BLTP3B: variants seen among roughly 807,000 people sequenced by gnomAD.
The protein encoded by BLTP3B is bridge-like lipid transfer protein family member 3B.
the BLTP3B span, among the ~76,000 whole-genome samples, chr12:100,089,698 G>T: frequency 6.6e-6 from 1 of 152,144 alleles, no homozygotes; most frequent in African/African-American, 2.4e-5. Flanking sequence ...AGAAAATGTA[G>T]TTAACTCTTA....
chr12:100,116,448 C>CAAAAAAAAAAAAAAAAAA, the BLTP3B span, among the ~76,000 whole-genome samples: 2 of 55,998 alleles, frequency 3.6e-5, no homozygotes, highest in African/African-American at 6.1e-5. Context: ...GATCCTGTCT[C>CAAAAAAAAAAAAAAAAAA]AAAAAAAAAA....
the BLTP3B span, among the ~76,000 whole-genome samples, chr12:100,078,431 T>A: frequency 6.6e-6 from 1 of 152,142 alleles, no homozygotes; most frequent in African/African-American, 2.4e-5. Context: ...CAGTCTCAGG[T>A]ACTTCTTTAC....
At chr12:100,117,615 CCT>C in the BLTP3B span, among the ~76,000 whole-genome samples, 2 of 152,064 alleles carry the variant, frequency 1.3e-5, no homozygotes, top group East Asian at 3.9e-4. Flanking sequence ...CTCCACCTCC[CCT>C]GCCTCCACCT....
chr12:100,076,618 T>C, the BLTP3B span, among the ~76,000 whole-genome samples: 1 of 152,202 alleles, frequency 6.6e-6, no homozygotes, highest in African/African-American at 2.4e-5. Flanking sequence ...GGTCTCTAAC[T>C]CCTGACCTCA....
At chr12:100,080,320 A>G in the BLTP3B span, among the ~76,000 whole-genome samples, 8 of 151,800 alleles carry the variant, frequency 5.3e-5, no homozygotes, top group Non-Finnish European at 1.2e-4. Context: ...CCACAGGGGC[A>G]GAGCTGCCCA....
chr12:100,111,876 G>A, the BLTP3B span, among the ~76,000 whole-genome samples: 1 of 152,008 alleles, frequency 6.6e-6, no homozygotes, highest in East Asian at 1.9e-4. Flanking sequence ...AGTGCTGGCT[G>A]GGATTACAGG....
chr12:100,071,037 G>A, the BLTP3B span, among the ~76,000 whole-genome samples: 1 of 152,048 alleles, frequency 6.6e-6, no homozygotes, highest in Non-Finnish European at 1.5e-5. Flanking sequence ...TTAAATAAAT[G>A]GGCAAGTAGG....
the BLTP3B span, chr12:100,048,030 C>A: frequency 6.2e-7 from 1 of 1,610,528 alleles, no homozygotes; most frequent in South Asian, 1.1e-5. Flanking sequence ...GTTGAATATT[C>A]ATAAGAGAAG....
the BLTP3B span, among the ~76,000 whole-genome samples, chr12:100,077,803 T>C: frequency 9.8e-5 from 15 of 152,308 alleles, no homozygotes; most frequent in South Asian, 4.1e-4. Flanking sequence ...GTCTCAAACA[T>C]TGCAATTAGA....
the BLTP3B span, among the ~76,000 whole-genome samples, chr12:100,066,484 A>G: frequency 2.6e-5 from 4 of 152,126 alleles, no homozygotes; most frequent in Non-Finnish European, 5.9e-5. Context: ...AAAGTCAACA[A>G]AGAAACAATG....
the BLTP3B span, among the ~76,000 whole-genome samples, chr12:100,067,134 G>A: frequency 4.6e-5 from 7 of 152,052 alleles, no homozygotes; most frequent in Admixed American, 1.3e-4. Context: ...AAAATTCTTC[G>A]AACTGAACAA....
At chr12:100,075,077 T>A in the BLTP3B span, among the ~76,000 whole-genome samples, 1 of 151,684 alleles carries the variant, frequency 6.6e-6, no homozygotes, top group Non-Finnish European at 1.5e-5. Context: ...AATGGCATGA[T>A]CTCAGCTCAC....
At chr12:100,071,070 T>C in the BLTP3B span, among the ~76,000 whole-genome samples, 1 of 152,174 alleles carries the variant, frequency 6.6e-6, no homozygotes, top group Non-Finnish European at 1.5e-5. Flanking sequence ...GGAGTTCTAC[T>C]TTTAAAGAAA....
At chr12:100,138,606 C>T in the BLTP3B span, among the ~76,000 whole-genome samples, 1 of 152,180 alleles carries the variant, frequency 6.6e-6, no homozygotes, top group African/African-American at 2.4e-5. Context: ...GACAAACTGA[C>T]CCTGGTTGAC....
chr12:100,124,440 A>G, the BLTP3B span, among the ~76,000 whole-genome samples: 1 of 151,808 alleles, frequency 6.6e-6, no homozygotes, highest in Admixed American at 6.6e-5. Context: ...TGTCTCTACA[A>G]AATATTAAAA....
At chr12:100,051,015 T>C in the BLTP3B span, 2 of 1,585,466 alleles carry the variant, frequency 1.3e-6, no homozygotes, top group Non-Finnish European at 1.7e-6. Context: ...AATATATACA[T>C]GTCAAATATG....
chr12:100,098,407 T>A, the BLTP3B span: 1 of 1,613,650 alleles, frequency 6.2e-7, no homozygotes, highest in Non-Finnish European at 8.5e-7. Flanking sequence ...ATGTTCCCAG[T>A]GTGCATTTAC....
chr12:100,041,131 C>A, the BLTP3B span, among the ~76,000 whole-genome samples: 2 of 152,140 alleles, frequency 1.3e-5, no homozygotes, highest in Non-Finnish European at 2.9e-5. Flanking sequence ...TGGGATTTAT[C>A]CCAGGAATGC....
chr12:100,087,271 C>T, the BLTP3B span, among the ~76,000 whole-genome samples: 9 of 150,712 alleles, frequency 6.0e-5, no homozygotes, highest in East Asian at 1.6e-3. Flanking sequence ...ATTGGTATAA[C>T]GTGAACATAA....
Sources: allele counts gnomAD v4.1 joint callset (sites outside exome capture counted in the v4.1 genomes callset), GRCh38; gene constraint gnomAD v4.1.1; transcripts MANE v1.5; gene names NCBI Gene and HGNC (gene_info 2026-07-23, HGNC 2026-07-21).